TTC39B: variants seen among roughly 807,000 people sequenced by gnomAD.
TTC39B encodes the protein tetratricopeptide repeat protein 39B.
A neutral mutation model predicts 96.6 loss-of-function variants in TTC39B; 92 were observed. The observed-to-expected ratio is 0.95, with a 90% CI of 0.80 to 1.13. The LOEUF (loss-of-function observed/expected upper bound fraction) is 1.13. Ranked by LOEUF, TTC39B falls within the 50% of genes most tolerant of loss-of-function variation. The pLI is 0.00. For missense variants in TTC39B, 955 were observed against 809.3 expected, an observed-to-expected ratio of 1.18 and a Z score of -2.18; for synonymous variants, 367 against 299.4, an observed-to-expected ratio of 1.23 and a Z score of -2.33.
At position 15,189,412 on chromosome 9, in the gene TTC39B, T is replaced by C. The variant is rs115022392; in HGVS notation, c.1233+162A>G. ...TAGATTTTATATAATAGAATGTATA[T>C]ACAAGTTAAAAGTTTTGGCTTTTTA... On this transcript the variant is annotated intron_variant, in intron 13 of 19. Coordinates refer to ENST00000512701, the Ensembl canonical transcript of TTC39B. Among the ~76,000 whole-genome samples the C allele has an allele frequency of 4.4e-3, 666 of 151,442 alleles. 13 individuals are homozygous for C. The highest frequency in any genetic ancestry group is 0.015 in the African/African-American group (625 of 40,718).
chr9:15,185,597 G>C, intron 15 of TTC39B, 191 bp from the exon 16 acceptor site: 7 of 700,542 alleles, frequency 1.0e-5, no homozygotes, highest in Non-Finnish European at 1.3e-5. Flanking sequence ...GGCCGGGGCC[G>C]AGCAATCTAG....
At chr9:15,192,742 A>G (rs1329205130) in intron 8 of TTC39B, 47 bp from the exon 9 acceptor site, 1 of 1,286,318 alleles carries the variant, frequency 7.8e-7, no homozygotes, top group Non-Finnish European at 1.1e-6. Context: ...CATGACTCTG[A>G]AAATAAATAT....
chr9:15,241,321 T>G (rs1051111263), intron 2 of TTC39B, among the ~76,000 whole-genome samples: 2 of 151,064 alleles, frequency 1.3e-5, no homozygotes, highest in African/African-American at 2.4e-5. Context: ...TGCAAAACAA[T>G]GAAACTGGAA....
At chr9:15,193,818 G>A (rs966732501) in intron 8 of TTC39B, among the ~76,000 whole-genome samples, 1 of 152,162 alleles carries the variant, frequency 6.6e-6, no homozygotes, top group African/African-American at 2.4e-5. Flanking sequence ...AGAAACATTA[G>A]AAAAGTCCAT....
intron 7 of TTC39B, among the ~76,000 whole-genome samples, chr9:15,202,584 C>T (rs539084180): frequency 2.0e-5 from 3 of 152,006 alleles, no homozygotes; most frequent in Admixed American, 1.3e-4. Context: ...TGGTGGCACA[C>T]GTCTGTAATC....
chr9:15,170,839 G>A (rs1817625614), exon 20 of TTC39B: 2 of 152,184 alleles, frequency 1.3e-5, no homozygotes, highest in African/African-American at 4.8e-5. Flanking sequence ...CACTCCAAGT[G>A]GGAATGGTTT....
At chr9:15,213,005 G>A (rs931920637) in intron 4 of TTC39B, among the ~76,000 whole-genome samples, 2 of 152,142 alleles carry the variant, frequency 1.3e-5, no homozygotes, top group Non-Finnish European at 2.9e-5. Flanking sequence ...ATAAATGTTT[G>A]AGGTGATGGA....
chr9:15,271,499 G>C (rs1253017227), intron 1 of TTC39B, among the ~76,000 whole-genome samples: 1 of 152,160 alleles, frequency 6.6e-6, no homozygotes, highest in Non-Finnish European at 1.5e-5. Context: ...TCAGACATTA[G>C]ATTCTCATAA....
At position 15,306,891 on chromosome 9, in the gene TTC39B, C is replaced by G. The variant is rs1412149436; in HGVS notation, c.240+193G>C. 6.6e-6 allele frequency among the ~76,000 whole-genome samples: 1 copy of G among 152,052 alleles called. No homozygotes were observed. The highest frequency in any genetic ancestry group is 2.4e-5 in the African/African-American group (1 of 41,424). On this transcript the variant is annotated intron_variant, in intron 1 of 19. Transcript: ENST00000512701. This position sits in a 1 kb window ranked among gnomAD's most constrained non-coding sequence, Gnocchi z 5.1. ...TCGGCACTGCGTCCGCTCCGCGCGC[C>G]GCAGGGACCCTCCTAGCTCCAGCGG...
chr9:15,261,784 A>C (rs1469885005), intron 2 of TTC39B, among the ~76,000 whole-genome samples: 2 of 152,150 alleles, frequency 1.3e-5, no homozygotes, highest in Non-Finnish European at 2.9e-5. Context: ...CCCAAAACAC[A>C]ATATTTACTC....
At chr9:15,198,482 A>ATATATATATATATG (rs1334785023) in intron 8 of TTC39B, among the ~76,000 whole-genome samples, 34 of 149,330 alleles carry the variant, frequency 2.3e-4, no homozygotes, top group African/African-American at 8.1e-4. Flanking sequence ...ATATATATAT[A>ATATATATATATATG]TATATCATAA....
At chr9:15,261,445 A>G (rs1822942307) in intron 2 of TTC39B, among the ~76,000 whole-genome samples, 1 of 151,052 alleles carries the variant, frequency 6.6e-6, no homozygotes, top group African/African-American at 2.5e-5. Context: ...ACTACACTCT[A>G]GCCTGGGAGA....
chr9:15,240,634 C>T (rs889437247), intron 2 of TTC39B, among the ~76,000 whole-genome samples: 1 of 152,178 alleles, frequency 6.6e-6, no homozygotes, highest in Non-Finnish European at 1.5e-5. Flanking sequence ...GAAACACCCT[C>T]TGATCATCCC....
At position 15,167,009 on chromosome 9, in the gene TTC39B, TATATATA is replaced by T. The variant is rs1817536884; in HGVS notation, c.*5003_*5009del. 2.0e-3 allele frequency: 15 copies of T among 7,610 alleles called. 3 individuals are homozygous for T. Among genetic ancestry groups the T allele is most frequent in the Non-Finnish European group, 3.7e-3 (15 of 4,080 alleles). 0.5% of individuals were successfully genotyped at this position (7,610 alleles called of 1,614,324 possible). ...ATATATATATATATATATATATATA[TATATATA>T]TATATATATATATTTTTTTTTTTTT... is the stretch of plus-strand genomic sequence containing the variant. On this transcript the variant is annotated 3_prime_UTR_variant, in exon 20 of 20. Transcript: ENST00000512701.
rs920943992 is a variant in TTC39B, at chr9:15,306,218, G to A, written c.240+866C>T. On this transcript the variant is annotated intron_variant, in intron 1 of 19. Coordinates refer to ENST00000512701, the Ensembl canonical transcript of TTC39B. The surrounding 1 kb of genome is among the most constrained non-coding windows in gnomAD (Gnocchi z 5.1). ...CAGCTGTGGGTGCTGGCTGCTGCTG[G>A]AGCCTCGGTCTCAACTTCAAGAGCA... is the stretch of plus-strand genomic sequence containing the variant. 2.4e-4 allele frequency among the ~76,000 whole-genome samples: 36 copies of A among 152,208 alleles called. No individual in the cohort carries two copies. The highest frequency in any genetic ancestry group is 8.2e-4 in the African/African-American group (34 of 41,452).
chr9:15,219,356 T>C (rs538207570), intron 3 of TTC39B, among the ~76,000 whole-genome samples: 2 of 152,316 alleles, frequency 1.3e-5, no homozygotes, highest in East Asian at 3.9e-4. Flanking sequence ...GAACCACATA[T>C]GCACACATAC....
intron 1 of TTC39B, among the ~76,000 whole-genome samples, chr9:15,275,277 G>C (rs183613815): frequency 6.6e-6 from 1 of 152,162 alleles, no homozygotes; most frequent in African/African-American, 2.4e-5. Context: ...CTGACCTCAG[G>C]TGATCTGCCC....
chr9:15,253,459 G>A (rs1024799835), intron 2 of TTC39B, among the ~76,000 whole-genome samples: 1 of 152,238 alleles, frequency 6.6e-6, no homozygotes, highest in African/African-American at 2.4e-5. Context: ...AGCCTCTCAA[G>A]GGAGCACGGC....
intron 1 of TTC39B, among the ~76,000 whole-genome samples, chr9:15,274,019 C>A (rs1823450643): frequency 6.6e-6 from 1 of 152,190 alleles, no homozygotes; most frequent in Non-Finnish European, 1.5e-5. Flanking sequence ...ATCATAGTGA[C>A]TGACACACCT....
Sources: gnomAD v4.1 joint callset for allele counts (sites outside exome capture counted in the v4.1 genomes callset) on GRCh38, gnomAD v4.1.1 for gene constraint, Gnocchi (gnomAD v3.1) non-coding constraint, MANE v1.5 for transcripts, NCBI Gene and HGNC (gene_info 2026-07-23, HGNC 2026-07-21) for gene names.